The following SLF1 variants were observed in gnomAD, a reference collection of about 807,000 sequenced individuals.
SLF1 encodes the protein SMC5/6 complex localization factor 1, also known as SMC5-SMC6 complex localization factor protein 1.
SLF1 carries 105 observed loss-of-function variants against 123.0 expected under a neutral mutation model. The observed-to-expected ratio is 0.85, with a 90% CI of 0.73 to 1.00. The LOEUF is 1.00. Ranked by LOEUF, SLF1 falls within the 50% of genes least tolerant of loss-of-function variation. SLF1 has a pLI of 0.00. For synonymous variants in SLF1, 434 were observed against 406.6 expected (o/e 1.07, Z -0.81); for missense variants, 1,239 against 1,223.0 (o/e 1.01, Z -0.20).
chr5:94,626,807 C>G (rs1211189346), intron 1 of SLF1, among the ~76,000 whole-genome samples: 1 of 152,188 alleles, frequency 6.6e-6, no homozygotes, highest in African/African-American at 2.4e-5. Flanking sequence ...TATGGACCTT[C>G]TTTGCAAATA....
At position 94,670,948 on chromosome 5, in the gene SLF1, A is replaced by G. The variant is rs1483217871; in HGVS notation, c.1767A>G (p.Pro589=). The G allele has an allele frequency of 6.5e-7, 1 of 1,549,772 alleles. No homozygotes were observed. Among genetic ancestry groups the G allele is most frequent in the Non-Finnish European group, 8.7e-7 (1 of 1,145,640 alleles). The part of the protein sequence containing the change: ...GSETSGLLTK[P]VNMLLEWTIY... ...AAACCTCTGGGCTTTTGACCAAACC[A>G]GTAAATATGCTTTTGGAATGGACTA... The change falls in exon 14 of 21, where the codon CCA becomes CCG. Residue 589 remains proline (P), a synonymous_variant. Coordinates refer to ENST00000265140, the MANE Select transcript of SLF1 (RefSeq NM_032290.4).
intron 15 of SLF1, among the ~76,000 whole-genome samples, chr5:94,680,942 A>G (rs1443042561): frequency 1.3e-5 from 2 of 152,190 alleles, no homozygotes; most frequent in African/African-American, 2.4e-5. Context: ...AAGATCTATT[A>G]ATATATTTGA....
chr5:94,643,242 A>T (rs1340128342), intron 4 of SLF1, 31 bp from the exon 5 acceptor site: 3 of 1,440,208 alleles, frequency 2.1e-6, no homozygotes, highest in Non-Finnish European at 1.9e-6. Context: ...AAATTTTCTA[A>T]TACTTTTATA....
chr5:94,622,060 C>T (rs149482032), intron 1 of SLF1, among the ~76,000 whole-genome samples: 3 of 152,292 alleles, frequency 2.0e-5, no homozygotes, highest in Non-Finnish European at 4.4e-5. Flanking sequence ...AATTTCTAAA[C>T]GCCACTTGTA....
At chr5:94,631,190 CTG>C (rs986708025) in intron 4 of SLF1, among the ~76,000 whole-genome samples, 10 of 151,724 alleles carry the variant, frequency 6.6e-5, no homozygotes, top group African/African-American at 2.4e-4. Context: ...ATTGGGTAAA[CTG>C]TATTCTAAGA....
Position 94,695,446 on chromosome 5 carries a change from A to G in SLF1, c.*134A>G. The stretch of plus-strand genomic sequence containing the variant: ...AGACTTTGCAGCCTTGCTAAATTTT[A>G]AAAGCATTTTTAAAAAAACTTCTAC... On this transcript the variant is annotated 3_prime_UTR_variant, in exon 21 of 21. Coordinates refer to ENST00000265140, the MANE Select transcript of SLF1 (RefSeq NM_032290.4). 1 of 1,146,438 alleles carries G rather than the reference A, an allele frequency of 8.7e-7. No homozygotes were observed. The highest frequency in any genetic ancestry group is 1.1e-6 in the Non-Finnish European group (1 of 870,808). 71.0% of individuals were successfully genotyped at this position (1,146,438 alleles called of 1,614,324 possible).
chr5:94,639,039 T>C (rs1746149745), intron 4 of SLF1, among the ~76,000 whole-genome samples: 2 of 88,698 alleles, frequency 2.3e-5, no homozygotes, highest in Admixed American at 9.9e-5. Context: ...TTTCTTCCCT[T>C]TTTTTTTTTT....
chr5:94,688,577 A>T lies in SLF1; in HGVS notation c.2193A>T (p.Lys731Asn), dbSNP rs1752709320. ...LGSGKIQVSK[K>N]IGQRPCFDSQ... ...CTGGAAAGATTCAGGTGTCAAAGAA[A>T]ATAGGACAGCGGCCTTGTTTTGACT... Residue 731 changes from lysine (K) to asparagine (N), a missense_variant, in exon 17 of 21, where the codon AAA becomes AAT. Transcript: ENST00000265140. 2 of 1,614,008 alleles carry T rather than the reference A, an allele frequency of 1.2e-6. No individual in the cohort carries two copies. The highest frequency in any genetic ancestry group is 2.7e-5 in the African/African-American group (2 of 74,946).
At chr5:94,664,740 G>T (rs1393915456) in intron 11 of SLF1, among the ~76,000 whole-genome samples, 1 of 152,182 alleles carries the variant, frequency 6.6e-6, no homozygotes, top group African/African-American at 2.4e-5. Context: ...AGGAAAATGT[G>T]TATTCCATCT....
In SLF1 at chr5:94,689,497, C is replaced by T. The variant is rs1179253726; in HGVS notation, c.2310C>T (p.Ser770=). 5.6e-6 allele frequency: 9 copies of T among 1,611,024 alleles called. No individual in the cohort carries two copies. Among genetic ancestry groups the T allele is most frequent in the Non-Finnish European group, 7.6e-6 (9 of 1,178,426 alleles). ...ELLDLNLAKC[S]SSLKKLKKKS... is the part of the protein sequence containing the mutation. ...GAGACCTGAACCTTGCTAAATGTTCCTCATCATTAAAAAAATTGAAAAAGA... is the reference window on the plus strand; with the variant it reads ...GAGACCTGAACCTTGCTAAATGTTCTTCATCATTAAAAAAATTGAAAAAGA... The change falls in exon 18 of 21, where the codon TCC becomes TCT. Residue 770 remains serine, a synonymous_variant. Coordinates refer to ENST00000265140, the MANE Select transcript of SLF1 (RefSeq NM_032290.4).
At chr5:94,628,712 A>G (rs905886069) in intron 1 of SLF1, 99 bp from the exon 2 acceptor site, 3 of 634,182 alleles carry the variant, frequency 4.7e-6, no homozygotes, top group Non-Finnish European at 7.6e-6. Context: ...TGTATGTTTA[A>G]TAGTTTATTT....
intron 14 of SLF1, chr5:94,678,348 T>A (rs1442594444): frequency 6.5e-6 from 1 of 152,688 alleles, no homozygotes; most frequent in Non-Finnish European, 1.5e-5. Context: ...CTAGAACTTT[T>A]ATTCATTGGG....
chr5:94,626,589 C>T (rs1459636576), intron 1 of SLF1, among the ~76,000 whole-genome samples: 1 of 152,124 alleles, frequency 6.6e-6, no homozygotes. Context: ...GGTTGAAATA[C>T]CAGCTTTTTT....
chr5:94,646,155 AGGTTT>A (rs1747022074), intron 5 of SLF1, among the ~76,000 whole-genome samples: 1 of 152,228 alleles, frequency 6.6e-6, no homozygotes, highest in Non-Finnish European at 1.5e-5. Context: ...AAGCTGAGGC[AGGTTT>A]GCTTTAGCCC....
chr5:94,686,345 C>T (rs539845575), intron 15 of SLF1, among the ~76,000 whole-genome samples: 99 of 152,076 alleles, frequency 6.5e-4, no homozygotes, highest in African/African-American at 2.3e-3. Flanking sequence ...ATAATCAAAC[C>T]TAATGATTGT....
intron 4 of SLF1, among the ~76,000 whole-genome samples, chr5:94,637,936 A>T (rs1402696906): frequency 6.6e-6 from 1 of 151,796 alleles, no homozygotes; most frequent in Non-Finnish European, 1.5e-5. Context: ...TATATTGGTG[A>T]TGTGGTGAGT....
At chr5:94,661,853 TTATTA>T (rs1417896707) in intron 9 of SLF1, among the ~76,000 whole-genome samples, 7 of 151,978 alleles carry the variant, frequency 4.6e-5, no homozygotes, top group Non-Finnish European at 8.8e-5. Context: ...TATTATCTCT[TTATTA>T]TATTTGTTGC....
intron 14 of SLF1, 144 bp from the exon 15 acceptor site, chr5:94,678,664 G>C: frequency 3.1e-6 from 2 of 651,482 alleles, no homozygotes; most frequent in Non-Finnish European, 4.9e-6. Context: ...AGTTAGCTAG[G>C]GTTCTTAAGA....
chr5:94,647,078 A>G (rs1349721192), intron 5 of SLF1, among the ~76,000 whole-genome samples: 1 of 152,108 alleles, frequency 6.6e-6, no homozygotes, highest in Admixed American at 6.5e-5. Context: ...AAAGCCAACC[A>G]CTCAATAAAT....
Sources: allele counts gnomAD v4.1 joint callset (sites outside exome capture counted in the v4.1 genomes callset), GRCh38; gene constraint gnomAD v4.1.1; transcripts MANE v1.5; gene names NCBI Gene and HGNC (gene_info 2026-07-23, HGNC 2026-07-21).